USP32: variants seen among roughly 807,000 people sequenced by gnomAD.
The protein encoded by USP32 is ubiquitin carboxyl-terminal hydrolase 32.
In USP32, 59 loss-of-function variants were observed where a neutral mutation model predicts 204.8. The observed-to-expected ratio is 0.29, with a 90% CI of 0.23 to 0.36. The LOEUF (loss-of-function observed/expected upper bound fraction) is 0.36. Among genes scored for constraint, USP32 ranks in the 10% least tolerant of loss-of-function variants. The pLI is 1.00. For synonymous variants in USP32, 517 were observed against 678.4 expected (o/e 0.76, Z 3.70); for missense variants, 1,160 against 1,946.4 (o/e 0.60, Z 7.60).
chr17:60,340,093 A>AT (rs1467301228), intron 2 of USP32, among the ~76,000 whole-genome samples: 8 of 151,510 alleles, frequency 5.3e-5, no homozygotes, highest in Non-Finnish European at 8.8e-5. Flanking sequence ...TCTCCATAGG[A>AT]TTTTTTTTTC....
intron 2 of USP32, among the ~76,000 whole-genome samples, chr17:60,323,285 G>A (rs2088156156): frequency 6.7e-6 from 1 of 150,350 alleles, no homozygotes; most frequent in Admixed American, 6.6e-5. Context: ...ATATATATAT[G>A]CATACAATGA....
chr17:60,192,724 C>T, intron 28 of USP32, 120 bp downstream of exon 28: 1 of 1,307,946 alleles, frequency 7.6e-7, no homozygotes, highest in Non-Finnish European at 1.1e-6. Context: ...CGTGCCCAGC[C>T]ACAATTCTTA....
At chr17:60,313,680 A>G (rs2087907130) in intron 2 of USP32, among the ~76,000 whole-genome samples, 1 of 152,084 alleles carries the variant, frequency 6.6e-6, no homozygotes, top group African/African-American at 2.4e-5. Flanking sequence ...CATTGAGGAG[A>G]GACCCCAAGA....
At chr17:60,388,610 T>C (rs913081787) in intron 1 of USP32, among the ~76,000 whole-genome samples, 4 of 152,198 alleles carry the variant, frequency 2.6e-5, no homozygotes, top group Admixed American at 2.0e-4. Flanking sequence ...ACAAGTGTAC[T>C]TCCTTAGAAA....
chr17:60,209,491 G>A lies in USP32; in HGVS notation c.2477C>T (p.Ser826Phe). The A allele has an allele frequency of 6.2e-7, 1 of 1,602,612 alleles. No individual in the cohort carries two copies. Among genetic ancestry groups the A allele is most frequent in the Non-Finnish European group, 8.5e-7 (1 of 1,176,262 alleles). Residue 826 changes from serine (S) to phenylalanine (F), a missense_variant, in exon 22 of 34, where the codon TCC (serine) becomes TTC (phenylalanine). Around this residue, in one of 8 missense-constraint regions of USP32, gnomAD observed 132 missense variants for 432.8 expected, o/e 0.30. Coordinates refer to ENST00000300896, the MANE Select transcript of USP32 (RefSeq NM_032582.4). ...PRFNGFQQQD[S>F]QELLAFLLDG... ...CAAGAGAAAAGCCAGAAGTTCTTGGGAGTCCTGTTGCTGAAACCCATTAAA... is the reference window on the plus strand; with the variant it reads ...CAAGAGAAAAGCCAGAAGTTCTTGGAAGTCCTGTTGCTGAAACCCATTAAA...
At chr17:60,271,304 G>C (rs1336970825) in intron 6 of USP32, 46 bp downstream of exon 6, 11 of 1,601,120 alleles carry the variant, frequency 6.9e-6, no homozygotes, top group Non-Finnish European at 9.4e-6. Context: ...GATGGGCTCA[G>C]GTATGTTTAC....
chr17:60,412,989 G>GACA lies in USP32; in HGVS notation c.106+9256_106+9257insTGT, dbSNP rs1341725968. Among the ~76,000 whole-genome samples the GACA allele has an allele frequency of 1.3e-4, 20 of 152,116 alleles. No individual in the cohort carries two copies. The East Asian group carries it at 3.9e-3, about 29-fold the overall frequency. ...GGTTGCCATTCTGCAGTGTTATTTT[G>GACA]ATACCCTGACAAGATATTTTTAGAG... On this transcript the variant is annotated intron_variant, in intron 1 of 3. Transcript: ENST00000588898.
At chr17:60,250,962 TGA>T (rs2086150945) in intron 11 of USP32, among the ~76,000 whole-genome samples, 1 of 151,654 alleles carries the variant, frequency 6.6e-6, no homozygotes, top group East Asian at 1.9e-4. Flanking sequence ...TTTTTTTTTT[TGA>T]GAGAGTCTCA....
At chr17:60,203,395 T>TC (rs2084734358) in intron 26 of USP32, among the ~76,000 whole-genome samples, 2 of 47,422 alleles carry the variant, frequency 4.2e-5, no homozygotes, top group African/African-American at 2.2e-4. Flanking sequence ...AGCGAGACTG[T>TC]CAAAAAAAAA....
intron 6 of USP32, among the ~76,000 whole-genome samples, chr17:60,270,823 C>CAAA (rs56653936): frequency 1.1e-3 from 67 of 63,562 alleles, no homozygotes; most frequent in Non-Finnish European, 1.8e-3. Flanking sequence ...AACTCTGCCT[C>CAAA]AAAAAAAAAA....
intron 30 of USP32, among the ~76,000 whole-genome samples, chr17:60,184,579 T>C (rs1246089237): frequency 6.6e-6 from 1 of 151,894 alleles, no homozygotes; most frequent in African/African-American, 2.4e-5. Context: ...GAGGCCAAGG[T>C]GGGCAGATCA....
intron 2 of USP32, among the ~76,000 whole-genome samples, chr17:60,320,524 C>A (rs1023974977): frequency 5.3e-5 from 8 of 152,132 alleles, no homozygotes; most frequent in African/African-American, 1.9e-4. Context: ...AGTCATCAAA[C>A]GTGCACACCG....
At chr17:60,339,522 G>C (rs1316498569) in intron 2 of USP32, among the ~76,000 whole-genome samples, 1 of 149,718 alleles carries the variant, frequency 6.7e-6, no homozygotes, top group Non-Finnish European at 1.5e-5. Flanking sequence ...GGCGGAGTTT[G>C]CAGTGAGCTG....
intron 9 of USP32, 48 bp from the exon 10 acceptor site, chr17:60,255,306 T>C (rs764800762): frequency 7.3e-6 from 11 of 1,501,262 alleles, no homozygotes; most frequent in African/African-American, 4.5e-5. Flanking sequence ...TTCTTTTTTT[T>C]TTTTTTTTTG....
At chr17:60,209,131 C>T (rs1038785357) in intron 22 of USP32, among the ~76,000 whole-genome samples, 1 of 152,098 alleles carries the variant, frequency 6.6e-6, no homozygotes, top group African/African-American at 2.4e-5. Flanking sequence ...GATAATTATT[C>T]CTACATCCAG....
intron 1 of USP32, among the ~76,000 whole-genome samples, chr17:60,368,295 A>T (rs2089358240): frequency 1.3e-5 from 2 of 152,196 alleles, no homozygotes. Flanking sequence ...TTTTAATGTA[A>T]TTTTTTAACG....
At chr17:60,419,882 C>A (rs1412884855) in intron 1 of USP32, among the ~76,000 whole-genome samples, 1 of 145,248 alleles carries the variant, frequency 6.9e-6, no homozygotes, top group African/African-American at 2.5e-5. Flanking sequence ...TTATTTGAGT[C>A]GGAGTCTTGC....
At chr17:60,273,746 G>A (rs1287274465) in intron 5 of USP32, among the ~76,000 whole-genome samples, 1 of 152,086 alleles carries the variant, frequency 6.6e-6, no homozygotes, top group Admixed American at 6.6e-5. Context: ...ATCACTTGAG[G>A]TCAGGAGTTC....
chr17:60,215,801 T>A (rs1394643709), intron 16 of USP32, among the ~76,000 whole-genome samples: 1 of 152,188 alleles, frequency 6.6e-6, no homozygotes, highest in Non-Finnish European at 1.5e-5. Flanking sequence ...TTGCTCAAGC[T>A]GTAGTGCGGT....
Sources: gnomAD v4.1 joint callset for allele counts (sites outside exome capture counted in the v4.1 genomes callset) on GRCh38, gnomAD v4.1.1 for gene constraint, gnomAD v4.1.1 regional missense constraint, MANE v1.5 for transcripts, NCBI Gene and HGNC (gene_info 2026-07-23, HGNC 2026-07-21) for gene names.